The following EXOC4 variants were observed in gnomAD, a reference collection of about 807,000 sequenced individuals.
The protein encoded by EXOC4 is SEC8-like 1.
Under a neutral mutation model 107.2 loss-of-function variants are expected in EXOC4, and 71 were observed. The observed-to-expected ratio is 0.66, with a 90% CI of 0.55 to 0.81. EXOC4 has a LOEUF of 0.81. Among genes scored for constraint, EXOC4 ranks in the 30% least tolerant of loss-of-function variants. The pLI is 0.00. For synonymous variants in EXOC4, 456 were observed against 441.2 expected, an observed-to-expected ratio of 1.03 and a Z score of -0.42; for missense variants, 1,108 against 1,189.6, an observed-to-expected ratio of 0.93 and a Z score of 1.01.
chr7:133,308,835 T>G (rs1360053732), intron 4 of EXOC4, among the ~76,000 whole-genome samples: 1 of 152,172 alleles, frequency 6.6e-6, no homozygotes. Flanking sequence ...GCCCACCCAA[T>G]GTCCATTCTT....
chr7:133,767,409 G>A (rs1040725141), intron 10 of EXOC4, among the ~76,000 whole-genome samples: 1 of 151,730 alleles, frequency 6.6e-6, no homozygotes, highest in Non-Finnish European at 1.5e-5. Flanking sequence ...CTAATTCATA[G>A]TAGGCTCCAA....
At chr7:133,880,233 A>G (rs1264821039) in intron 11 of EXOC4, among the ~76,000 whole-genome samples, 1 of 152,126 alleles carries the variant, frequency 6.6e-6, no homozygotes, top group East Asian at 1.9e-4. Flanking sequence ...ATGTTTTCCC[A>G]AGTAGATTAC....
intron 10 of EXOC4, among the ~76,000 whole-genome samples, chr7:133,808,064 G>C (rs965032749): frequency 5.9e-5 from 9 of 152,088 alleles, no homozygotes; most frequent in African/African-American, 1.9e-4. Context: ...TTACAAATAA[G>C]AGCACCCAAA....
chr7:133,551,249 G>A (rs775563466), intron 9 of EXOC4, among the ~76,000 whole-genome samples: 4 of 152,012 alleles, frequency 2.6e-5, no homozygotes, highest in Non-Finnish European at 4.4e-5. Flanking sequence ...CTATTCCTAT[G>A]CAACATATCA....
Position 133,895,595 on chromosome 7 carries a change from C to G in EXOC4, c.1735-4C>G. 1 of 1,613,494 alleles carries G rather than the reference C, an allele frequency of 6.2e-7. No homozygotes were observed. Among genetic ancestry groups the G allele is most frequent in the Non-Finnish European group, 8.5e-7 (1 of 1,179,596 alleles). ...CATATCCTCTCTTTGTTGTTCATTT[C>G]CAGAGCACAATCATTGTGGAGAAGA... On this transcript the variant is annotated splice_polypyrimidine_tract_variant and splice_region_variant and intron_variant, in intron 11 of 17. Coordinates refer to ENST00000253861, the MANE Select transcript of EXOC4 (RefSeq NM_021807.4).
chr7:133,253,454 G>A (rs889220989), intron 1 of EXOC4: 1 of 1,205,740 alleles, frequency 8.3e-7, no homozygotes, highest in Admixed American at 4.1e-5. Context: ...GGACCCCAAA[G>A]CACGCTATTT....
intron 6 of EXOC4, among the ~76,000 whole-genome samples, chr7:133,359,209 G>T (rs764432936): frequency 4.6e-5 from 7 of 152,208 alleles, no homozygotes; most frequent in Non-Finnish European, 1.0e-4. Flanking sequence ...CTAGTCTCTA[G>T]TGGTTATGTG....
chr7:133,723,438 A>T (rs913709990), intron 10 of EXOC4, among the ~76,000 whole-genome samples: 5 of 152,212 alleles, frequency 3.3e-5, no homozygotes, highest in Non-Finnish European at 7.4e-5. Context: ...GAACACAGGT[A>T]AGACATTACC....
chr7:133,709,787 A>T (rs1431975870), intron 10 of EXOC4, among the ~76,000 whole-genome samples: 1 of 151,558 alleles, frequency 6.6e-6, no homozygotes, highest in Non-Finnish European at 1.5e-5. Flanking sequence ...CTCTTGTCTC[A>T]GTTTCCTCCT....
intron 10 of EXOC4, among the ~76,000 whole-genome samples, chr7:133,729,534 A>T (rs1455176685): frequency 6.6e-6 from 1 of 152,118 alleles, no homozygotes; most frequent in East Asian, 1.9e-4. Context: ...CTGTCAGCTC[A>T]GTTCACTGCA....
chr7:134,096,073 A>T, the EXOC4 span, among the ~76,000 whole-genome samples: 1 of 152,212 alleles, frequency 6.6e-6, no homozygotes, highest in Non-Finnish European at 1.5e-5. Context: ...ACAAAGGTCT[A>T]ATTTTCAGAA....
intron 9 of EXOC4, among the ~76,000 whole-genome samples, chr7:133,597,632 G>A (rs1001470020): frequency 2.4e-4 from 37 of 151,188 alleles, no homozygotes; most frequent in African/African-American, 8.8e-4. Flanking sequence ...ATCATTCTTC[G>A]GCTATACAGT....
chr7:133,612,983 A>G (rs759904134), intron 9 of EXOC4, among the ~76,000 whole-genome samples: 2 of 151,948 alleles, frequency 1.3e-5, no homozygotes, highest in Non-Finnish European at 2.9e-5. Flanking sequence ...GTGTAGGTCC[A>G]TTTATGTGTG....
At position 133,882,345 on chromosome 7, in the gene EXOC4, CT is replaced by C. The variant is rs1305380334; in HGVS notation, c.1735-13249del. ...ACTACAGAGCATAGCATTAGACCTG[CT>C]TTTTGTCCTTTCTCTGCCTTCTGAT... On this transcript the variant is annotated intron_variant, in intron 11 of 17. Coordinates refer to ENST00000253861, the MANE Select transcript of EXOC4 (RefSeq NM_021807.4). Among the ~76,000 whole-genome samples the C allele has an allele frequency of 8.5e-5, 13 of 152,278 alleles. 1 individual carries two copies. In the South Asian group the frequency reaches 1.2e-3, roughly 15 times the overall value.
rs114924840 is a variant in EXOC4 at position 133,880,023 on chromosome 7, G to C, written c.1735-15576G>C. On this transcript the variant is annotated intron_variant, in intron 11 of 17. Transcript: ENST00000253861. ...GTCTCCTAACTGCTACACATGACCA[G>C]CTCATCCTTCATCCCCAGCCTTCAC... Among the ~76,000 whole-genome samples the C allele has an allele frequency of 2.4e-3, 358 of 152,166 alleles. 5 individuals carry two copies. The highest frequency in any genetic ancestry group is 8.0e-3 in the African/African-American group (334 of 41,510).
chr7:133,734,336 G>A (rs1795393493), intron 10 of EXOC4, among the ~76,000 whole-genome samples: 1 of 152,072 alleles, frequency 6.6e-6, no homozygotes, highest in African/African-American at 2.4e-5. Flanking sequence ...CAGGGAGATG[G>A]TGATGGGTCA....
chr7:133,603,406 A>C (rs1283099165), intron 9 of EXOC4, among the ~76,000 whole-genome samples: 2 of 152,252 alleles, frequency 1.3e-5, no homozygotes, highest in African/African-American at 4.8e-5. Flanking sequence ...TCTTTTGAGA[A>C]ATGCATCATT....
chr7:133,514,617 G>A (rs1799838569), intron 9 of EXOC4, among the ~76,000 whole-genome samples: 1 of 152,142 alleles, frequency 6.6e-6, no homozygotes, highest in Non-Finnish European at 1.5e-5. Flanking sequence ...TTGATGAGAG[G>A]AGAGACTCCT....
intron 9 of EXOC4, among the ~76,000 whole-genome samples, chr7:133,511,929 C>G (rs1396878662): frequency 6.6e-6 from 1 of 152,200 alleles, no homozygotes; most frequent in Admixed American, 6.5e-5. Context: ...CCGCCCTTCT[C>G]ATTCCTTCCC....
Sources: gnomAD v4.1 joint callset for allele counts (sites outside exome capture counted in the v4.1 genomes callset) on GRCh38, gnomAD v4.1.1 for gene constraint, MANE v1.5 for transcripts, NCBI Gene and HGNC (gene_info 2026-07-23, HGNC 2026-07-21) for gene names.